CCDC148: variants seen among roughly 807,000 people sequenced by gnomAD.
The protein encoded by CCDC148 is coiled-coil domain containing 148.
CCDC148 carries 89 observed loss-of-function variants against 85.7 expected under a neutral mutation model. The ratio of observed to expected loss-of-function variants is 1.04; its 90% CI spans 0.87 to 1.24. CCDC148 has a LOEUF of 1.24. Among genes scored for constraint, CCDC148 ranks in the 50% most tolerant of loss-of-function variants. The probability of loss-of-function intolerance (pLI) is 0.00; values close to 1 mark genes in which losing one functional copy is unlikely to be tolerated. For missense variants in CCDC148, 692 were observed against 671.7 expected, an observed-to-expected ratio of 1.03 and a Z score of -0.33; for synonymous variants, 230 against 213.9, an observed-to-expected ratio of 1.08 and a Z score of -0.66.
chr2:158,324,205 C>G (rs1692655378), intron 7 of CCDC148, among the ~76,000 whole-genome samples: 1 of 152,076 alleles, frequency 6.6e-6, no homozygotes, highest in African/African-American at 2.4e-5. Context: ...ACATGAGCCA[C>G]TGCACCTGGC....
At chr2:158,299,669 G>T (rs1483463891) in intron 9 of CCDC148, among the ~76,000 whole-genome samples, 4 of 152,176 alleles carry the variant, frequency 2.6e-5, no homozygotes, top group African/African-American at 7.2e-5. Context: ...GTGAGGGTGA[G>T]TCTGACAACA....
chr2:158,262,560 A>G (rs1689276560), intron 9 of CCDC148, among the ~76,000 whole-genome samples: 1 of 152,048 alleles, frequency 6.6e-6, no homozygotes, highest in Non-Finnish European at 1.5e-5. Context: ...ATTTATAAAG[A>G]AAAGAAGTTT....
chr2:158,398,472 C>T (rs1685628075), intron 1 of CCDC148, among the ~76,000 whole-genome samples: 1 of 152,142 alleles, frequency 6.6e-6, no homozygotes, highest in Admixed American at 6.6e-5. Context: ...GATTAAGAAA[C>T]TCACTCAAAA....
intron 1 of CCDC148, among the ~76,000 whole-genome samples, chr2:158,428,237 A>C (rs1687166321): frequency 6.6e-6 from 1 of 152,136 alleles, no homozygotes; most frequent in Non-Finnish European, 1.5e-5. Flanking sequence ...GGCAATGATG[A>C]GAAGTAAATG....
chr2:158,369,523 A>G (rs779319157), intron 1 of CCDC148, among the ~76,000 whole-genome samples: 12 of 152,166 alleles, frequency 7.9e-5, no homozygotes, highest in Non-Finnish European at 1.2e-4. Context: ...ATGATTTTGT[A>G]TCCTGAGACT....
chr2:158,250,975 TAATA>T, intron 9 of CCDC148, 63 bp from the exon 10 acceptor site: 1 of 1,451,802 alleles, frequency 6.9e-7, no homozygotes, highest in East Asian at 2.3e-5. Flanking sequence ...TCATAGGTCA[TAATA>T]AGACTAGGCT....
At chr2:158,419,609 A>T (rs1206306736) in intron 1 of CCDC148, among the ~76,000 whole-genome samples, 3 of 152,188 alleles carry the variant, frequency 2.0e-5, no homozygotes, top group Non-Finnish European at 4.4e-5. Flanking sequence ...GGAGATTAGT[A>T]ATACTCTAAA....
intron 9 of CCDC148, among the ~76,000 whole-genome samples, chr2:158,304,079 G>A (rs1197904710): frequency 3.3e-5 from 5 of 152,096 alleles, no homozygotes; most frequent in Admixed American, 3.3e-4. Flanking sequence ...TCACTCTTGG[G>A]TTAGAGAGGT....
intron 1 of CCDC148, among the ~76,000 whole-genome samples, chr2:158,392,144 T>C (rs185790820): frequency 5.3e-5 from 8 of 152,266 alleles, no homozygotes; most frequent in African/African-American, 1.9e-4. Flanking sequence ...TAGTTTGAGA[T>C]TATAACACTC....
Position 158,250,302 on chromosome 2 carries a change from A to G in CCDC148, c.1251+470T>C, listed in dbSNP as rs371470554. Among the ~76,000 whole-genome samples, 21 of 152,112 alleles carry G rather than the reference A, an allele frequency of 1.4e-4. 1 individual carries two copies. Among genetic ancestry groups the G allele is most frequent in the Admixed American group, 9.2e-4 (14 of 15,256 alleles). On this transcript the variant is annotated intron_variant, in intron 10 of 13. Transcript: ENST00000283233. ...TAGTAAATGAAAAACAAAACCATCT[A>G]ATAAACAGCCAAGAAGTAAACTCTA...
intron 9 of CCDC148, among the ~76,000 whole-genome samples, chr2:158,305,318 G>A (rs1372126810): frequency 6.6e-6 from 1 of 152,222 alleles, no homozygotes; most frequent in African/African-American, 2.4e-5. Context: ...GAGCAGGATT[G>A]TTGAGTAAGC....
intron 11 of CCDC148, among the ~76,000 whole-genome samples, chr2:158,214,518 A>C (rs1191155581): frequency 6.6e-6 from 1 of 152,206 alleles, no homozygotes; most frequent in Non-Finnish European, 1.5e-5. Context: ...AAAATAACTA[A>C]AGCTTTCAAC....
intron 1 of CCDC148, among the ~76,000 whole-genome samples, chr2:158,452,984 C>T (rs1168007642): frequency 6.6e-6 from 1 of 152,208 alleles, no homozygotes; most frequent in Non-Finnish European, 1.5e-5. Flanking sequence ...CTCTATCATA[C>T]TTTATCTGAT....
At chr2:158,214,471 C>T (rs532983466) in intron 11 of CCDC148, among the ~76,000 whole-genome samples, 170 of 152,084 alleles carry the variant, frequency 1.1e-3, no homozygotes, top group African/African-American at 3.8e-3. Flanking sequence ...AAACTATAGT[C>T]GAGTGAATTG....
At chr2:158,236,701 C>T (rs533597674) in intron 10 of CCDC148, among the ~76,000 whole-genome samples, 9 of 152,244 alleles carry the variant, frequency 5.9e-5, no homozygotes, top group African/African-American at 1.9e-4. Context: ...GCTAAGGTCA[C>T]CGCTCTTGTT....
intron 9 of CCDC148, among the ~76,000 whole-genome samples, chr2:158,278,273 T>C (rs906450184): frequency 3.3e-5 from 5 of 151,914 alleles, no homozygotes; most frequent in African/African-American, 4.8e-5. Context: ...AGACAGTGGG[T>C]GCAGGTCAGT....
chr2:158,204,913 C>G (rs1197188765), intron 11 of CCDC148, among the ~76,000 whole-genome samples: 3 of 152,176 alleles, frequency 2.0e-5, no homozygotes, highest in Non-Finnish European at 4.4e-5. Context: ...CCCAGTGGAT[C>G]TACCAGGAAC....
In CCDC148 at chr2:158,378,437, G is replaced by A. The variant is rs192937210; in HGVS notation, c.26-19867C>T. On this transcript the variant is annotated intron_variant, in intron 1 of 13. Transcript: ENST00000283233. ...AAAAATGCAAGATGGAGCAGCAAGT[G>A]CTGATTCAGAAGCTGCAGCAAGTTA... is the stretch of plus-strand genomic sequence containing the variant. Among the ~76,000 whole-genome samples the A allele has an allele frequency of 6.6e-4, 101 of 152,266 alleles. 1 individual carries two copies. In the Middle Eastern group the frequency reaches 0.02, roughly 31 times the overall value.
intron 10 of CCDC148, among the ~76,000 whole-genome samples, chr2:158,221,885 GGAGA>G (rs147337167): frequency 1.3e-5 from 2 of 150,216 alleles, no homozygotes; most frequent in African/African-American, 2.4e-5. Flanking sequence ...CACCCAAGAT[GGAGA>G]GAGAGAGAGA....
Sources: gnomAD v4.1 joint callset for allele counts (sites outside exome capture counted in the v4.1 genomes callset) on GRCh38, gnomAD v4.1.1 for gene constraint, MANE v1.5 for transcripts, NCBI Gene and HGNC (gene_info 2026-07-23, HGNC 2026-07-21) for gene names.